The following FRMD6 variants were observed in gnomAD, a reference collection of about 807,000 sequenced individuals.
The protein encoded by FRMD6 is FERM domain containing 6, also known as FERM domain-containing protein 6.
In FRMD6, 37 loss-of-function variants were observed where a neutral mutation model predicts 73.2. That is an observed-to-expected ratio of 0.51 (90% confidence interval 0.39 to 0.66). The LOEUF is 0.66. Among genes scored for constraint, FRMD6 ranks in the 30% least tolerant of loss-of-function variants. The pLI, the probability that FRMD6 is intolerant of heterozygous loss-of-function variation, is 0.00. For synonymous variants in FRMD6, 273 were observed against 282.2 expected (o/e 0.97, Z 0.33); for missense variants, 714 against 780.5 (o/e 0.91, Z 1.02).
upstream of FRMD6, chr14:51,650,546 C>T (rs1215754746): frequency 2.0e-5 from 3 of 151,358 alleles, no homozygotes; most frequent in African/African-American, 7.3e-5. Context: ...CAGGCGCCCG[C>T]CACTACGCCC....
At chr14:51,505,415 A>G (rs950239124) in intron 1 of FRMD6, among the ~76,000 whole-genome samples, 2 of 152,142 alleles carry the variant, frequency 1.3e-5, no homozygotes, top group African/African-American at 4.8e-5. Context: ...TTGTAAAACA[A>G]ACTGGGCACT....
intron 2 of FRMD6, among the ~76,000 whole-genome samples, chr14:51,620,109 CCTT>C (rs1890872029): frequency 6.6e-6 from 1 of 152,130 alleles, no homozygotes; most frequent in Non-Finnish European, 1.5e-5. Flanking sequence ...CCAGGTCTGT[CCTT>C]CTACTACTTT....
intron 10 of FRMD6, chr14:51,717,199 A>G (rs1033605113): frequency 6.6e-6 from 1 of 152,206 alleles, no homozygotes; most frequent in African/African-American, 2.4e-5. Context: ...TGCTGTAACA[A>G]AAGACCACAG....
chr14:51,427,451 A>G, the FRMD6 span, among the ~76,000 whole-genome samples: 1 of 152,272 alleles, frequency 6.6e-6, no homozygotes, highest in Admixed American at 6.5e-5. Context: ...GAAGAACCTT[A>G]TGGGAGGAGA....
At chr14:51,457,417 T>G in the FRMD6 span, among the ~76,000 whole-genome samples, 1 of 152,134 alleles carries the variant, frequency 6.6e-6, no homozygotes, top group Non-Finnish European at 1.5e-5. Context: ...CTGTGGTTGA[T>G]GAAGCATTTT....
intron 4 of FRMD6, among the ~76,000 whole-genome samples, 161 bp downstream of exon 4, chr14:51,701,320 A>G (rs540445109): frequency 3.8e-4 from 55 of 144,596 alleles, no homozygotes; most frequent in Non-Finnish European, 7.4e-4. Context: ...TAGTATATAT[A>G]TATATACACT....
intron 2 of FRMD6, among the ~76,000 whole-genome samples, chr14:51,623,058 A>C (rs1890986351): frequency 6.6e-6 from 1 of 152,096 alleles, no homozygotes; most frequent in Non-Finnish European, 1.5e-5. Context: ...CATTTGTCAT[A>C]AGATCCTCTG....
chr14:51,517,569 T>C (rs1363005601), intron 1 of FRMD6, among the ~76,000 whole-genome samples: 1 of 152,090 alleles, frequency 6.6e-6, no homozygotes, highest in African/African-American at 2.4e-5. Context: ...GAATAGAGTC[T>C]CAAGTTCTGT....
chr14:51,440,439 A>C, the FRMD6 span, among the ~76,000 whole-genome samples: 1 of 152,200 alleles, frequency 6.6e-6, no homozygotes, highest in Non-Finnish European at 1.5e-5. Context: ...TAAAGCTGGA[A>C]TGGTGGGTTA....
chr14:51,408,858 G>A, the FRMD6 span, among the ~76,000 whole-genome samples: 1 of 151,932 alleles, frequency 6.6e-6, no homozygotes, highest in East Asian at 1.9e-4. Context: ...GCAATTTTTT[G>A]CACAAGGATC....
At position 51,657,533 on chromosome 14, in the gene FRMD6, G is replaced by A. The variant is rs577909926; in HGVS notation, c.-147+5537G>A. ...ATGTGATATATCCAAATTGATGTAG[G>A]TCGCAATAGGTCTTTTTTCTGTTAT... On this transcript the variant is annotated intron_variant, in intron 1 of 13. Transcript: ENST00000344768. Among the ~76,000 whole-genome samples, 140 of 152,274 alleles carry A rather than the reference G, an allele frequency of 9.2e-4. 1 individual carries two copies. The highest frequency in any genetic ancestry group is 3.3e-3 in the African/African-American group (137 of 41,554).
rs80010192 is a variant in FRMD6 at position 51,499,587 on chromosome 14, C to T, written c.-210+10167C>T. 8.6e-3 allele frequency among the ~76,000 whole-genome samples: 1,304 copies of T among 152,312 alleles called. 15 individuals carry two copies. Among genetic ancestry groups the T allele is most frequent in the African/African-American group, 0.03 (1,239 of 41,564 alleles). ...AATAAGACGTGGAGTAGGGGCCTGA[C>T]CCCAGGCAGCCCAGCTCCGAGGTCC... On this transcript the variant is annotated intron_variant, in intron 1 of 14. Coordinates refer to the FRMD6 transcript ENST00000356218.
chr14:51,442,190 A>G, the FRMD6 span, among the ~76,000 whole-genome samples: 138 of 152,336 alleles, frequency 9.1e-4, no homozygotes, highest in African/African-American at 3.2e-3. Flanking sequence ...TTCTGAGAGT[A>G]GAAAGTGCTC....
chr14:51,691,582 ATTTTGATTTTTTTT>A (rs886747523), intron 2 of FRMD6, among the ~76,000 whole-genome samples: 2 of 105,568 alleles, frequency 1.9e-5, no homozygotes, highest in Non-Finnish European at 2.1e-5. Flanking sequence ...ATTTATTTTG[ATTTTGATTTTTTTT>A]TTTTTTTTTT....
At chr14:51,653,838 T>A (rs1413659952) in intron 1 of FRMD6, among the ~76,000 whole-genome samples, 1 of 152,254 alleles carries the variant, frequency 6.6e-6, no homozygotes, top group Admixed American at 6.5e-5. Flanking sequence ...TTTGGATTCA[T>A]ATTTCATATT....
At chr14:51,491,139 T>A (rs1238863588) in intron 1 of FRMD6, among the ~76,000 whole-genome samples, 7 of 152,224 alleles carry the variant, frequency 4.6e-5, no homozygotes, top group African/African-American at 1.7e-4. Flanking sequence ...TTTTCTCTTT[T>A]GCATCGTTCT....
intron 2 of FRMD6, among the ~76,000 whole-genome samples, chr14:51,604,008 G>A (rs1447350731): frequency 6.6e-6 from 1 of 151,876 alleles, no homozygotes; most frequent in East Asian, 1.9e-4. Flanking sequence ...AGGTGAGGGA[G>A]TGAGTATCAG....
chr14:51,433,423 TGA>T, the FRMD6 span, among the ~76,000 whole-genome samples: 1 of 152,146 alleles, frequency 6.6e-6, no homozygotes, highest in African/African-American at 2.4e-5. Context: ...TACTTTTAAG[TGA>T]GAAAAGTAAA....
At chr14:51,466,795 G>A in the FRMD6 span, among the ~76,000 whole-genome samples, 1 of 152,122 alleles carries the variant, frequency 6.6e-6, no homozygotes, top group Non-Finnish European at 1.5e-5. Flanking sequence ...ATTTTGATAA[G>A]GATTACATAG....
Sources: gnomAD v4.1 joint callset for allele counts (sites outside exome capture counted in the v4.1 genomes callset) on GRCh38, gnomAD v4.1.1 for gene constraint, MANE v1.5 for transcripts, NCBI Gene and HGNC (gene_info 2026-07-23, HGNC 2026-07-21) for gene names.